VRK2: variants seen among roughly 807,000 people sequenced by gnomAD.
VRK2 encodes the protein serine/threonine-protein kinase VRK2.
A neutral mutation model predicts 57.6 loss-of-function variants in VRK2; 60 were observed. The ratio of observed to expected loss-of-function variants is 1.04; its 90% CI spans 0.85 to 1.29. The LOEUF (loss-of-function observed/expected upper bound fraction) is 1.29. Ranked by LOEUF, VRK2 falls within the 50% of genes most tolerant of loss-of-function variation. The pLI is 0.00. For synonymous variants in VRK2, 231 were observed against 199.2 expected (o/e 1.16, Z -1.35); for missense variants, 705 against 588.1 (o/e 1.20, Z -2.06).
At chr2:58,154,331 T>A (rs1462567502) in intron 12 of VRK2, among the ~76,000 whole-genome samples, 1 of 151,406 alleles carries the variant, frequency 6.6e-6, no homozygotes, top group East Asian at 1.9e-4. Flanking sequence ...CTTTTTTTTT[T>A]AATTCTTTTT....
intron 1 of VRK2, among the ~76,000 whole-genome samples, chr2:57,911,672 C>G (rs1344311944): frequency 6.6e-6 from 1 of 152,122 alleles, no homozygotes; most frequent in Non-Finnish European, 1.5e-5. Flanking sequence ...TCATGTGCAT[C>G]AATGGAGCCT....
At chr2:58,017,216 G>A (rs189538016) in intron 1 of VRK2, among the ~76,000 whole-genome samples, 93 of 152,186 alleles carry the variant, frequency 6.1e-4, no homozygotes, top group Admixed American at 4.2e-3. Flanking sequence ...TCCACCTGAC[G>A]TGACTAATCT....
At chr2:57,926,799 T>A (rs1463764969) in intron 1 of VRK2, among the ~76,000 whole-genome samples, 1 of 151,928 alleles carries the variant, frequency 6.6e-6, no homozygotes, top group Non-Finnish European at 1.5e-5. Context: ...GGGTCTTGTT[T>A]TTCTATCCAT....
At chr2:58,119,370 A>G (rs1677058026) in intron 7 of VRK2, among the ~76,000 whole-genome samples, 1 of 149,676 alleles carries the variant, frequency 6.7e-6, no homozygotes, top group African/African-American at 2.5e-5. Context: ...TTAGCCAGGC[A>G]TGGGGCTGAG....
rs576164660 is a variant in VRK2, at chr2:58,129,337, A to T, written c.677-2471A>T. On this transcript the variant is annotated intron_variant, in intron 8 of 12. Transcript: ENST00000340157. ...GTATTTTCTATTCAAATGAATGAAA[A>T]TATATTAAAAAGAAATACATTGCAC... 5.9e-5 allele frequency among the ~76,000 whole-genome samples: 9 copies of T among 152,342 alleles called. No homozygotes were observed. In the South Asian group the frequency reaches 1.9e-3, roughly 32 times the overall value.
chr2:58,105,876 G>A (rs991769015), intron 7 of VRK2, among the ~76,000 whole-genome samples: 1 of 151,872 alleles, frequency 6.6e-6, no homozygotes, highest in Non-Finnish European at 1.5e-5. Flanking sequence ...GGTTAGTTGT[G>A]TTTTATGTAG....
intron 12 of VRK2, among the ~76,000 whole-genome samples, chr2:58,152,422 T>G (rs1683208460): frequency 6.6e-6 from 1 of 151,940 alleles, no homozygotes; most frequent in African/African-American, 2.4e-5. Flanking sequence ...GTTTTGCTTT[T>G]ACATGTGTAA....
At position 58,148,483 on chromosome 2, in the gene VRK2, C is replaced by T. The variant is rs371921786; in HGVS notation, c.1182+2009C>T. ...TTAATTCATAGTATCTTAGGATGTG[C>T]AGAAGCTTTTTATATTATTTGTTTT... On this transcript the variant is annotated intron_variant, in intron 12 of 12. Transcript: ENST00000340157. Among the ~76,000 whole-genome samples the T allele has an allele frequency of 1.1e-3, 162 of 151,880 alleles. 1 individual carries two copies. Among genetic ancestry groups the T allele is most frequent in the African/African-American group, 3.7e-3 (154 of 41,498 alleles).
At position 58,143,377 on chromosome 2, in the gene VRK2, T is replaced by G. The variant is rs114705603; in HGVS notation, c.1024-2939T>G. Among the ~76,000 whole-genome samples, 815 of 152,104 alleles carry G rather than the reference T, an allele frequency of 5.4e-3. 10 individuals are homozygous for G. Among genetic ancestry groups the G allele is most frequent in the African/African-American group, 0.019 (770 of 41,540 alleles). ...GATGCCCAGGGTGTTTTCTGTATTT[T>G]TCTATCTTTGAGAAAAAGTTTCACT... On this transcript the variant is annotated intron_variant, in intron 11 of 12. Transcript: ENST00000340157.
chr2:58,015,947 CT>C (rs568856764), intron 1 of VRK2, among the ~76,000 whole-genome samples: 202 of 147,548 alleles, frequency 1.4e-3, no homozygotes, highest in Non-Finnish European at 1.6e-3. Context: ...TTATAGCTAG[CT>C]TTTTTTTTTG....
At chr2:57,909,142 T>C (rs1201786458) in intron 1 of VRK2, among the ~76,000 whole-genome samples, 1 of 152,250 alleles carries the variant, frequency 6.6e-6, no homozygotes, top group Admixed American at 6.5e-5. Context: ...GATTCTCAAG[T>C]GAGTGCTCAA....
intron 1 of VRK2, among the ~76,000 whole-genome samples, chr2:57,923,480 A>G (rs941535884): frequency 2.6e-5 from 4 of 151,428 alleles, no homozygotes; most frequent in Non-Finnish European, 4.4e-5. Flanking sequence ...CTGATGACCA[A>G]TGATGTTGAG....
At chr2:57,977,750 C>T (rs369071886) in intron 1 of VRK2, among the ~76,000 whole-genome samples, 3 of 150,964 alleles carry the variant, frequency 2.0e-5, no homozygotes, top group Non-Finnish European at 2.9e-5. Context: ...GCTTCCAGTA[C>T]GATGTTGAAT....
At chr2:58,106,680 A>G (rs2104384752) in intron 7 of VRK2, among the ~76,000 whole-genome samples, 1 of 152,180 alleles carries the variant, frequency 6.6e-6, no homozygotes, top group Non-Finnish European at 1.5e-5. Flanking sequence ...TATAAGATCT[A>G]GGAGGAAAAA....
intron 1 of VRK2, among the ~76,000 whole-genome samples, chr2:58,004,869 G>C (rs1387337891): frequency 6.6e-6 from 1 of 152,104 alleles, no homozygotes; most frequent in African/African-American, 2.4e-5. Flanking sequence ...AGTTCTTCCA[G>C]TATAGTGGAA....
In VRK2 at chr2:58,105,978, A is replaced by G. The variant is rs190732353; in HGVS notation, c.543+16255A>G. Among the ~76,000 whole-genome samples, 789 of 152,068 alleles carry G rather than the reference A, an allele frequency of 5.2e-3. 6 individuals are homozygous for G. Among genetic ancestry groups the G allele is most frequent in the African/African-American group, 0.018 (757 of 41,552 alleles). ...TTTTGTGAGTGTCTGCTGTTTACAG[A>G]TATACCAAGCTCTGATAATGCTTAC... On this transcript the variant is annotated intron_variant, in intron 7 of 12. Coordinates refer to ENST00000340157, the MANE Select transcript of VRK2 (RefSeq NM_006296.7).
intron 7 of VRK2, among the ~76,000 whole-genome samples, chr2:58,114,217 C>T (rs1051349504): frequency 6.6e-6 from 1 of 152,124 alleles, no homozygotes; most frequent in African/African-American, 2.4e-5. Flanking sequence ...TTAGAGAGTG[C>T]CTAAGGAGAT....
intron 7 of VRK2, among the ~76,000 whole-genome samples, chr2:58,095,541 G>A (rs1432414570): frequency 2.6e-5 from 4 of 151,954 alleles, no homozygotes; most frequent in South Asian, 2.1e-4. Context: ...GATATTGTCA[G>A]TGGATTTATT....
chr2:58,057,550 A>G (rs928878541), intron 2 of VRK2, among the ~76,000 whole-genome samples: 2 of 152,140 alleles, frequency 1.3e-5, no homozygotes, highest in Non-Finnish European at 2.9e-5. Context: ...ATTGAAGTAG[A>G]CCTAATAGCA....
Sources: allele counts gnomAD v4.1 joint callset (sites outside exome capture counted in the v4.1 genomes callset), GRCh38; gene constraint gnomAD v4.1.1; transcripts MANE v1.5; gene names NCBI Gene and HGNC (gene_info 2026-07-23, HGNC 2026-07-21).